Variants in PDE4D observed in about 807,000 individuals in gnomAD.
PDE4D encodes phosphodiesterase 4D, also known as 3',5'-cyclic-AMP phosphodiesterase 4D.
PDE4D carries 24 observed loss-of-function variants against 87.4 expected under a neutral mutation model. That is an observed-to-expected ratio of 0.27 (90% CI 0.20 to 0.39). The LOEUF (loss-of-function observed/expected upper bound fraction) is 0.39. Among genes scored for constraint, PDE4D ranks in the 10% least tolerant of loss-of-function variants. The pLI, the probability that PDE4D is intolerant of heterozygous loss-of-function variation, is 1.00. For synonymous variants in PDE4D, 384 were observed against 383.2 expected, an observed-to-expected ratio of 1.00 and a Z score of -0.02; for missense variants, 714 against 1,041.0, an observed-to-expected ratio of 0.69 and a Z score of 4.32.
chr5:59,157,164 T>A, intron 5 of PDE4D: 1 of 583,694 alleles, frequency 1.7e-6, no homozygotes, highest in Non-Finnish European at 3.0e-6. Context: ...CTTCACAATT[T>A]TTTTTTCTTT....
intron 1 of PDE4D, among the ~76,000 whole-genome samples, chr5:59,507,068 A>G (rs1809392827): frequency 6.6e-6 from 1 of 152,230 alleles, no homozygotes; most frequent in African/African-American, 2.4e-5. Context: ...ACAGTGGCTC[A>G]CACCTGTAAT....
At chr5:59,574,238 A>T (rs1265642453) in intron 1 of PDE4D, among the ~76,000 whole-genome samples, 2 of 141,426 alleles carry the variant, frequency 1.4e-5, no homozygotes, top group African/African-American at 5.3e-5. Flanking sequence ...TTGTAAAGGT[A>T]ATATATATAT....
intron 1 of PDE4D, among the ~76,000 whole-genome samples, chr5:59,490,867 A>G (rs1806056970): frequency 6.6e-6 from 1 of 152,206 alleles, no homozygotes; most frequent in African/African-American, 2.4e-5. Flanking sequence ...TAGGCAATGT[A>G]TCTCTATCCA....
chr5:60,201,693 T>C (rs114491075), intron 1 of PDE4D, among the ~76,000 whole-genome samples: 1 of 152,258 alleles, frequency 6.6e-6, no homozygotes, highest in Non-Finnish European at 1.5e-5. Context: ...TGTCTCCCAT[T>C]GCTTGTGTAT....
At chr5:60,161,853 C>A (rs1782497778) in intron 2 of PDE4D, among the ~76,000 whole-genome samples, 1 of 152,124 alleles carries the variant, frequency 6.6e-6, no homozygotes, top group African/African-American at 2.4e-5. Flanking sequence ...CATTCACTTA[C>A]CACTATCCCT....
At chr5:59,001,550 A>G (rs1156472862) in intron 6 of PDE4D, among the ~76,000 whole-genome samples, 1 of 152,208 alleles carries the variant, frequency 6.6e-6, no homozygotes, top group East Asian at 1.9e-4. Flanking sequence ...CCAGAGGAAT[A>G]CTAAGGTCCT....
At chr5:60,082,869 G>A (rs1005765451) in intron 2 of PDE4D, among the ~76,000 whole-genome samples, 26 of 152,018 alleles carry the variant, frequency 1.7e-4, no homozygotes, top group Non-Finnish European at 1.2e-4. Context: ...CATGCTGCTC[G>A]CTCTACTTAA....
At chr5:60,517,740 G>A (rs934890585) in intron 1 of PDE4D, among the ~76,000 whole-genome samples, 9 of 152,286 alleles carry the variant, frequency 5.9e-5, no homozygotes, top group African/African-American at 1.7e-4. Context: ...CTGTACCGTC[G>A]CTCAATAAAG....
chr5:59,236,880 T>C (rs1461809483), intron 1 of PDE4D, among the ~76,000 whole-genome samples: 2 of 152,094 alleles, frequency 1.3e-5, no homozygotes, highest in Non-Finnish European at 2.9e-5. Flanking sequence ...AAGAGATAGC[T>C]TGCAGTGGCT....
At chr5:60,388,858 C>T (rs551670969) in intron 1 of PDE4D, among the ~76,000 whole-genome samples, 15 of 152,236 alleles carry the variant, frequency 9.9e-5, no homozygotes, top group African/African-American at 2.6e-4. Context: ...AACACCACAG[C>T]GACCTAATTA....
chr5:59,301,077 T>G (rs1334595139), intron 1 of PDE4D, among the ~76,000 whole-genome samples: 1 of 152,136 alleles, frequency 6.6e-6, no homozygotes, highest in Non-Finnish European at 1.5e-5. Flanking sequence ...TGTTCAGCTA[T>G]GTGGAAGCTC....
intron 1 of PDE4D, among the ~76,000 whole-genome samples, chr5:59,423,103 G>A (rs1336534665): frequency 1.3e-5 from 2 of 152,102 alleles, no homozygotes; most frequent in African/African-American, 4.8e-5. Flanking sequence ...ATCTTCTCCA[G>A]TTTATTTTTG....
intron 1 of PDE4D, among the ~76,000 whole-genome samples, chr5:59,823,624 A>G (rs1769966911): frequency 6.6e-6 from 1 of 151,988 alleles, no homozygotes; most frequent in Non-Finnish European, 1.5e-5. Context: ...GTCTTTCTAA[A>G]AATGTAAATC....
chr5:59,466,898 T>C (rs2153649355), intron 1 of PDE4D, among the ~76,000 whole-genome samples: 1 of 152,276 alleles, frequency 6.6e-6, no homozygotes, highest in South Asian at 2.1e-4. Context: ...GAAGTCCTCG[T>C]ACATATACCT....
intron 5 of PDE4D, among the ~76,000 whole-genome samples, chr5:59,063,702 C>A (rs2153413049): frequency 6.6e-6 from 1 of 152,240 alleles, no homozygotes; most frequent in Non-Finnish European, 1.5e-5. Flanking sequence ...GCATTCTAAC[C>A]TTTGGGTTAT....
At position 60,501,820 on chromosome 5, in the gene PDE4D, G is replaced by A. The variant is rs962555942; in HGVS notation, n.70+20231C>T. On this transcript the variant is annotated intron_variant and non_coding_transcript_variant, in intron 1 of 2. Coordinates refer to the PDE4D transcript ENST00000506510. Reference sequence around the variant, plus strand: ...GTCTTCTTTTGAGAAGTGTCTGTTCGTGTCCTTCGCCCACTTTTTGATGGG... The same window carrying A: ...GTCTTCTTTTGAGAAGTGTCTGTTCATGTCCTTCGCCCACTTTTTGATGGG... 5.2e-3 allele frequency among the ~76,000 whole-genome samples: 797 copies of A among 152,080 alleles called. 6 individuals carry two copies. The highest frequency in any genetic ancestry group is 8.4e-3 in the Non-Finnish European group (574 of 67,968).
intron 1 of PDE4D, among the ~76,000 whole-genome samples, chr5:59,693,549 C>T (rs1751304938): frequency 6.6e-6 from 1 of 152,108 alleles, no homozygotes; most frequent in Admixed American, 6.6e-5. Flanking sequence ...GGAACTTTTA[C>T]AGCAAATTCA....
chr5:60,093,399 C>T (rs1004392167), intron 2 of PDE4D, among the ~76,000 whole-genome samples: 2 of 152,274 alleles, frequency 1.3e-5, no homozygotes, highest in Admixed American at 6.5e-5. Context: ...CTCTGCTTTC[C>T]ACTTGTTCCT....
intron 5 of PDE4D, among the ~76,000 whole-genome samples, chr5:59,110,546 G>A (rs1036563881): frequency 3.9e-5 from 6 of 152,220 alleles, no homozygotes; most frequent in African/African-American, 9.6e-5. Context: ...TACCAAGGGA[G>A]GTGCTATCGG....
Sources: gnomAD v4.1 joint callset for allele counts (sites outside exome capture counted in the v4.1 genomes callset) on GRCh38, gnomAD v4.1.1 for gene constraint, MANE v1.5 for transcripts, NCBI Gene and HGNC (gene_info 2026-07-23, HGNC 2026-07-21) for gene names.